RAI1: variants seen among roughly 807,000 people sequenced by gnomAD.
RAI1 encodes the protein retinoic acid induced 1.
A neutral mutation model predicts 123.8 loss-of-function variants in RAI1; 9 were observed. That is an observed-to-expected ratio of 0.07 (90% CI 0.04 to 0.13). The LOEUF is 0.13. Ranked by LOEUF, RAI1 falls within the 10% of genes least tolerant of loss-of-function variation. The pLI is 1.00. For missense variants in RAI1, 2,256 were observed against 2,545.8 expected, an observed-to-expected ratio of 0.89 and a Z score of 2.45; for synonymous variants, 1,231 against 1,127.3, an observed-to-expected ratio of 1.09 and a Z score of -1.84.
rs769964689 is a variant in RAI1 at position 17,797,343 on chromosome 17, G to T, written c.4395G>T (p.Lys1465Asn). The T allele has an allele frequency of 2.5e-6, 4 of 1,612,252 alleles. No homozygotes were observed. In the African/African-American group the frequency reaches 5.3e-5, roughly 22 times the overall value. Residue 1465 changes from lysine (K) to asparagine (N), a missense_variant, in exon 3 of 6, where the codon AAG becomes AAT. Lys to Asn is a moderately conservative substitution (Grantham distance 94). This residue lies in a region of RAI1 where 410 missense variants were observed against 374.6 expected (regional missense o/e 1.09). Coordinates refer to ENST00000353383, the MANE Select transcript of RAI1 (RefSeq NM_030665.4). ...AHGLSKGPLE[K>N]RPYLGPALLL... is the part of the protein sequence containing the mutation. ...GACTCTCCAAAGGCCCGCTGGAGAAGCGGCCCTATCTTGGCCCGGCTCTGC... is the reference window on the plus strand; with the variant it reads ...GACTCTCCAAAGGCCCGCTGGAGAATCGGCCCTATCTTGGCCCGGCTCTGC...
At position 17,799,674 on chromosome 17, in the gene RAI1, C is replaced by T. The variant is rs1423275720; in HGVS notation, c.5565+1161C>T. 6.6e-6 allele frequency among the ~76,000 whole-genome samples: 1 copy of T among 152,184 alleles called. No individual in the cohort carries two copies. Among genetic ancestry groups the T allele is most frequent in the Non-Finnish European group, 1.5e-5 (1 of 68,016 alleles). The stretch of plus-strand genomic sequence containing the variant: ...TGAGGTCACAGGGGAGCCAGAGGGG[C>T]TTGGCAGGGGTCTCCAGAGGCCCTG... On this transcript the variant is annotated intron_variant, in intron 3 of 5. Coordinates refer to ENST00000353383, the MANE Select transcript of RAI1 (RefSeq NM_030665.4). This position sits in a 1 kb window ranked among gnomAD's most constrained non-coding sequence, Gnocchi z 4.5.
At chr17:17,736,478 C>T (rs988224060) in intron 2 of RAI1, among the ~76,000 whole-genome samples, 2 of 152,222 alleles carry the variant, frequency 1.3e-5, no homozygotes. Flanking sequence ...CCAGTCACTG[C>T]TTAGCTTCTC....
intron 2 of RAI1, among the ~76,000 whole-genome samples, chr17:17,743,280 C>A (rs1268433927): frequency 6.6e-6 from 1 of 152,208 alleles, no homozygotes; most frequent in Non-Finnish European, 1.5e-5. Context: ...CACACCCCAG[C>A]CCCAGTTTTA....
At position 17,781,477 on chromosome 17, in the gene RAI1, G is replaced by A. The variant is rs147819646; in HGVS notation, c.-16-11456G>A. ...GTTTGCATGGGTGGCCTTTTGGAGAGCAGAGTAATGGGAGCCTACTTGAAC... is the reference window on the plus strand; with the variant it reads ...GTTTGCATGGGTGGCCTTTTGGAGAACAGAGTAATGGGAGCCTACTTGAAC... On this transcript the variant is annotated intron_variant, in intron 2 of 5. Transcript: ENST00000353383. 1.3e-3 allele frequency among the ~76,000 whole-genome samples: 198 copies of A among 152,310 alleles called. 1 individual carries two copies. The highest frequency in any genetic ancestry group is 4.6e-3 in the African/African-American group (191 of 41,564).
At position 17,793,742 on chromosome 17, in the gene RAI1, A is replaced by G; in HGVS notation, c.794A>G (p.Asn265Ser). The G allele has an allele frequency of 6.2e-7, 1 of 1,612,796 alleles. No individual in the cohort carries two copies. Among genetic ancestry groups the G allele is most frequent in the South Asian group, 1.1e-5 (1 of 91,070 alleles). Residue 265 changes from asparagine (N) to serine (S), a missense_variant, in exon 3 of 6, where the codon AAT (asparagine) becomes AGT (serine). By Grantham distance (46) the Asn-to-Ser change is conservative. Transcript: ENST00000353383. Reference sequence around the variant, plus strand: ...CTGGCCCCGGGGCAGCGGGTCCAGAATCTTCATGCCTACCAGTCGGGCCGC... The same window carrying G: ...CTGGCCCCGGGGCAGCGGGTCCAGAGTCTTCATGCCTACCAGTCGGGCCGC... ...SSLAPGQRVQNLHAYQSGRLS... is the reference protein window; with the variant it reads ...SSLAPGQRVQSLHAYQSGRLS...
At chr17:17,710,497 G>A (rs1408383415) in intron 1 of RAI1, among the ~76,000 whole-genome samples, 1 of 152,322 alleles carries the variant, frequency 6.6e-6, no homozygotes, top group African/African-American at 2.4e-5. Flanking sequence ...GGCCCTGGGG[G>A]CCTGTGAGTC....
At chr17:17,785,009 C>G (rs1057491512) in intron 2 of RAI1, among the ~76,000 whole-genome samples, 1 of 152,206 alleles carries the variant, frequency 6.6e-6, no homozygotes. Context: ...CTCCCCACCC[C>G]CATGGGCCCC....
At chr17:17,709,211 T>G (rs1222029194) in intron 1 of RAI1, among the ~76,000 whole-genome samples, 2 of 152,156 alleles carry the variant, frequency 1.3e-5, no homozygotes, top group Non-Finnish European at 2.9e-5. Flanking sequence ...AGCATCTGTG[T>G]CCACAGGAGG....
At chr17:17,755,801 C>T (rs1295568345) in intron 2 of RAI1, among the ~76,000 whole-genome samples, 3 of 152,192 alleles carry the variant, frequency 2.0e-5, no homozygotes, top group East Asian at 1.9e-4. Flanking sequence ...CCCTCAGACC[C>T]GGCCTACACC....
chr17:17,783,579 G>A (rs2031701776), intron 2 of RAI1, among the ~76,000 whole-genome samples: 1 of 152,192 alleles, frequency 6.6e-6, no homozygotes, highest in African/African-American at 2.4e-5. Context: ...ACCCTGCGCT[G>A]CTCCCCGTCC....
chr17:17,720,804 G>T (rs1241430390), intron 1 of RAI1, among the ~76,000 whole-genome samples: 1 of 152,156 alleles, frequency 6.6e-6, no homozygotes, highest in Non-Finnish European at 1.5e-5. Flanking sequence ...GATACCACTT[G>T]TGGAAGGGCC....
chr17:17,746,966 T>TCA (rs1295749680), intron 2 of RAI1, among the ~76,000 whole-genome samples: 3 of 152,172 alleles, frequency 2.0e-5, no homozygotes, highest in South Asian at 2.1e-4. Context: ...CTTCATTATT[T>TCA]CACACACACA....
chr17:17,714,279 G>A lies in RAI1; in HGVS notation c.-148-9749G>A, dbSNP rs903698653. 6.6e-6 allele frequency among the ~76,000 whole-genome samples: 1 copy of A among 151,902 alleles called. No homozygotes were observed. Among genetic ancestry groups the A allele is most frequent in the African/African-American group, 2.4e-5 (1 of 41,336 alleles). Reference sequence around the variant, plus strand: ...CCTACCTTGGCCACTGGGAGGTTCTGAAGAGACTGGAGGACCAGCAGCCCA... The same window carrying A: ...CCTACCTTGGCCACTGGGAGGTTCTAAAGAGACTGGAGGACCAGCAGCCCA... On this transcript the variant is annotated intron_variant, in intron 1 of 5. Transcript: ENST00000353383. The surrounding 1 kb of genome is among the most constrained non-coding windows in gnomAD (Gnocchi z 4.9).
chr17:17,748,503 A>C (rs1215951017), intron 2 of RAI1, among the ~76,000 whole-genome samples: 1 of 152,186 alleles, frequency 6.6e-6, no homozygotes, highest in African/African-American at 2.4e-5. Context: ...ATACATCGTC[A>C]TGTTTAATTT....
intron 2 of RAI1, chr17:17,778,097 G>C (rs372667687): frequency 1.3e-5 from 2 of 152,548 alleles, no homozygotes; most frequent in African/African-American, 4.8e-5. Flanking sequence ...CCTTACAGCT[G>C]CAGAACCCCT....
At chr17:17,708,105 C>T (rs888046054) in intron 1 of RAI1, among the ~76,000 whole-genome samples, 4 of 152,182 alleles carry the variant, frequency 2.6e-5, no homozygotes, top group Admixed American at 1.3e-4. Context: ...GGTTAATGGG[C>T]ACCCCAGGCC....
intron 2 of RAI1, among the ~76,000 whole-genome samples, chr17:17,762,748 C>G (rs916041824): frequency 6.6e-6 from 1 of 152,088 alleles, no homozygotes; most frequent in Non-Finnish European, 1.5e-5. Context: ...CCAAGAGCCC[C>G]CAGGACACAG....
intron 2 of RAI1, among the ~76,000 whole-genome samples, chr17:17,726,793 A>T (rs563627242): frequency 6.6e-6 from 1 of 152,182 alleles, no homozygotes; most frequent in South Asian, 2.1e-4. Context: ...TAGTATTTTG[A>T]TGTAGTTCTT....
chr17:17,808,225 G>A (rs990240266), intron 4 of RAI1, among the ~76,000 whole-genome samples: 2 of 152,094 alleles, frequency 1.3e-5, no homozygotes, highest in African/African-American at 2.4e-5. Context: ...AGGCAGGGGA[G>A]TGGAGACTCC....
Sources: allele counts gnomAD v4.1 joint callset (sites outside exome capture counted in the v4.1 genomes callset), GRCh38; gene constraint gnomAD v4.1.1; regional missense constraint gnomAD v4.1.1; non-coding constraint Gnocchi (gnomAD v3.1); transcripts MANE v1.5; gene names NCBI Gene and HGNC (gene_info 2026-07-23, HGNC 2026-07-21).